Variants in KATNAL2 observed in about 807,000 individuals in gnomAD.
KATNAL2 encodes the protein katanin p60 ATPase-containing subunit A-like 2.
In KATNAL2, 52 loss-of-function variants were observed where a neutral mutation model predicts 76.3. That is an observed-to-expected ratio of 0.68 (90% confidence interval 0.55 to 0.86). The LOEUF (loss-of-function observed/expected upper bound fraction) is 0.86, where lower values mean the gene tolerates loss of function less well. KATNAL2 is among the 40% of genes least tolerant of loss of function. The probability of loss-of-function intolerance (pLI) is 0.00; values close to 1 mark genes in which losing one functional copy is unlikely to be tolerated. For missense variants in KATNAL2, 660 were observed against 668.9 expected (o/e 0.99, Z 0.15); for synonymous variants, 243 against 244.2 (o/e 1.00, Z 0.05).
In KATNAL2 at chr18:47,071,413, C is replaced by G. The variant is rs539016041; in HGVS notation, c.1008+1813C>G. 3.3e-5 allele frequency among the ~76,000 whole-genome samples: 5 copies of G among 152,188 alleles called. No individual in the cohort carries two copies. In the South Asian group the frequency reaches 1.0e-3, roughly 32 times the overall value. ...GTACGGGGAAGAGTGTCAGGGGGAA[C>G]AGGGAGAGGTTCTGGAACCAATCTC... On this transcript the variant is annotated intron_variant, in intron 13 of 17. Coordinates refer to ENST00000683218, the MANE Select transcript of KATNAL2 (RefSeq NM_001387690.1).
Position 47,083,505 on chromosome 18 carries a change from C to T in KATNAL2, c.1211+6044C>T, listed in dbSNP as rs370691920. Among the ~76,000 whole-genome samples the T allele has an allele frequency of 2.6e-5, 4 of 152,248 alleles. No homozygotes were observed. The South Asian group carries it at 6.2e-4, about 24-fold the overall frequency. The stretch of plus-strand genomic sequence containing the variant: ...CCATTTTCTCTAGACACATAGATTC[C>T]GTCTCAAAGGGGCAATCATTTTCTC... On this transcript the variant is annotated intron_variant, in intron 15 of 17. Transcript: ENST00000683218.
At chr18:46,961,271 G>A (rs2146799800) in intron 3 of KATNAL2, among the ~76,000 whole-genome samples, 1 of 146,986 alleles carries the variant, frequency 6.8e-6, no homozygotes, top group Non-Finnish European at 1.5e-5. Context: ...TAAAAACTAG[G>A]CAAGGTGGCA....
In KATNAL2 at chr18:46,929,932, G is replaced by A. The variant is rs532084644; in HGVS notation, c.-510+12006G>A. ...TGGGATTACAGGCGCATGCCACCAC[G>A]CCGGGCTAATTTTTGTACTTTTAGT... On this transcript the variant is annotated intron_variant, in intron 1 of 17. Transcript: ENST00000683218. 3.2e-4 allele frequency among the ~76,000 whole-genome samples: 48 copies of A among 152,050 alleles called. No individual in the cohort carries two copies. In the South Asian group the frequency reaches 6.9e-3, roughly 22 times the overall value.
intron 13 of KATNAL2, among the ~76,000 whole-genome samples, chr18:47,073,768 T>A (rs2062090477): frequency 1.3e-5 from 2 of 152,224 alleles, no homozygotes; most frequent in Admixed American, 6.5e-5. Context: ...GCCCCCCAGT[T>A]GTATGATTTA....
chr18:46,962,103 T>C (rs2059994642), intron 3 of KATNAL2, among the ~76,000 whole-genome samples: 1 of 150,916 alleles, frequency 6.6e-6, no homozygotes, highest in Non-Finnish European at 1.5e-5. Context: ...CTTGAGCAAA[T>C]AGGATTTTGG....
intron 1 of KATNAL2, among the ~76,000 whole-genome samples, chr18:46,932,686 A>AG (rs1356414025): frequency 6.6e-6 from 1 of 151,288 alleles, no homozygotes; most frequent in East Asian, 1.9e-4. Flanking sequence ...AAAAAAAAAA[A>AG]AAAAAAAAAA....
At chr18:47,057,203 A>T (rs2061497239) in intron 6 of KATNAL2, among the ~76,000 whole-genome samples, 1 of 152,192 alleles carries the variant, frequency 6.6e-6, no homozygotes. Context: ...CTCTGAGATC[A>T]CTCTGAACAT....
intron 3 of KATNAL2, among the ~76,000 whole-genome samples, chr18:46,954,916 G>A (rs2059679434): frequency 6.6e-6 from 1 of 152,102 alleles, no homozygotes; most frequent in African/African-American, 2.4e-5. Flanking sequence ...GCCTCCCAAA[G>A]TGCTGGGATT....
intron 15 of KATNAL2, among the ~76,000 whole-genome samples, chr18:47,091,640 C>G (rs1223337160): frequency 6.6e-6 from 1 of 152,114 alleles, no homozygotes; most frequent in Non-Finnish European, 1.5e-5. Flanking sequence ...TTATTTTGTG[C>G]CCACAAGCAG....
At chr18:47,035,923 T>C (rs554898931) in intron 3 of KATNAL2, among the ~76,000 whole-genome samples, 45 of 152,294 alleles carry the variant, frequency 3.0e-4, no homozygotes, top group Admixed American at 7.8e-4. Context: ...TGATGTTGTG[T>C]GAGGGGACTT....
chr18:46,939,384 A>G (rs2059182298), intron 1 of KATNAL2, among the ~76,000 whole-genome samples: 1 of 152,152 alleles, frequency 6.6e-6, no homozygotes, highest in Non-Finnish European at 1.5e-5. Flanking sequence ...TTTCATTCAA[A>G]AAGAGAAGGG....
chr18:47,091,105 T>C (rs749684839), intron 15 of KATNAL2: 1 of 152,142 alleles, frequency 6.6e-6, no homozygotes, highest in Non-Finnish European at 1.5e-5. Flanking sequence ...TCTGTAAAAT[T>C]TGGAATGATC....
At chr18:47,041,315 A>G (rs1352403798) in intron 3 of KATNAL2, among the ~76,000 whole-genome samples, 2 of 152,232 alleles carry the variant, frequency 1.3e-5, no homozygotes, top group Non-Finnish European at 2.9e-5. Context: ...TCTATCATAT[A>G]GAATGGTTTC....
At chr18:47,082,846 G>C (rs530846008) in intron 15 of KATNAL2, among the ~76,000 whole-genome samples, 1 of 152,288 alleles carries the variant, frequency 6.6e-6, no homozygotes, top group African/African-American at 2.4e-5. Flanking sequence ...TGAAAGTATG[G>C]TAGAGCCTGC....
At chr18:47,087,752 CTGTGTGTGTG>C (rs35852657) in intron 15 of KATNAL2, among the ~76,000 whole-genome samples, 2 of 148,440 alleles carry the variant, frequency 1.3e-5, no homozygotes, top group African/African-American at 2.5e-5. Flanking sequence ...TCTTTTACAT[CTGTGTGTGTG>C]TGTGTGTGTG....
intron 1 of KATNAL2, among the ~76,000 whole-genome samples, chr18:46,918,562 C>G (rs1334496306): frequency 6.6e-6 from 1 of 152,138 alleles, no homozygotes; most frequent in Non-Finnish European, 1.5e-5. Context: ...TCAAGCGATT[C>G]TCCTACCTCC....
At chr18:47,084,207 T>A (rs2062659491) in intron 15 of KATNAL2, 1 of 586,440 alleles carries the variant, frequency 1.7e-6, no homozygotes, top group Non-Finnish European at 3.0e-6. Context: ...CAGGGATGTC[T>A]TTCTGTTATC....
At chr18:47,098,400 CAAG>C (rs1021671155) in intron 15 of KATNAL2, 1 of 214,392 alleles carries the variant, frequency 4.7e-6, no homozygotes, top group African/African-American at 2.3e-5. Flanking sequence ...GAGGAAGACG[CAAG>C]AAGCGGAAAC....
chr18:47,036,719 G>T (rs2060788410), intron 3 of KATNAL2, among the ~76,000 whole-genome samples: 1 of 152,148 alleles, frequency 6.6e-6, no homozygotes, highest in Admixed American at 6.5e-5. Context: ...AATATCTATG[G>T]TTTTTTCTCT....
Sources: allele counts gnomAD v4.1 joint callset (sites outside exome capture counted in the v4.1 genomes callset), GRCh38; gene constraint gnomAD v4.1.1; transcripts MANE v1.5; gene names NCBI Gene and HGNC (gene_info 2026-07-23, HGNC 2026-07-21).